HSPG2: variants seen among roughly 807,000 people sequenced by gnomAD.
HSPG2 encodes the protein basement membrane-specific heparan sulfate proteoglycan core protein.
Under a neutral mutation model 526.6 loss-of-function variants are expected in HSPG2, and 278 were observed. The observed-to-expected ratio is 0.53, with a 90% CI of 0.48 to 0.58. The LOEUF is 0.58. Ranked by LOEUF, HSPG2 falls within the 20% of genes least tolerant of loss-of-function variation. The probability of loss-of-function intolerance (pLI) is 0.00; values close to 1 mark genes in which losing one functional copy is unlikely to be tolerated. For synonymous variants in HSPG2, 2,465 were observed against 2,555.4 expected (o/e 0.96, Z 1.07); for missense variants, 5,354 against 6,099.5 (o/e 0.88, Z 4.07).
intron 1 of HSPG2, among the ~76,000 whole-genome samples, chr1:21,930,412 G>A (rs1644317498): frequency 6.6e-6 from 1 of 152,090 alleles, no homozygotes; most frequent in Non-Finnish European, 1.5e-5. Flanking sequence ...CTGTCTTCCT[G>A]CACTAGCTAT....
chr1:21,912,698 T>C (rs1311347460), intron 1 of HSPG2, among the ~76,000 whole-genome samples: 5 of 152,182 alleles, frequency 3.3e-5, no homozygotes. Context: ...TAATAATTAT[T>C]GCTGGGCGCA....
In HSPG2 at chr1:21,865,699, T is replaced by C; in HGVS notation, c.4314+18A>G. ...ATCCTGCCCTTCTGCCCACCCAGCATGGTGTCCAAATGCTCACCGTGATCT... is the reference window on the plus strand; with the variant it reads ...ATCCTGCCCTTCTGCCCACCCAGCACGGTGTCCAAATGCTCACCGTGATCT... On this transcript the variant is annotated intron_variant, in intron 34 of 96. Transcript: ENST00000374695. The surrounding 1 kb of genome is among the most constrained non-coding windows in gnomAD (Gnocchi z 5.4). The C allele has an allele frequency of 6.3e-7, 1 of 1,595,182 alleles. No individual in the cohort carries two copies. Among genetic ancestry groups the C allele is most frequent in the Non-Finnish European group, 8.6e-7 (1 of 1,163,198 alleles).
In HSPG2 at chr1:21,822,332, C is replaced by A. The variant is rs575102067; in HGVS notation, c.*984G>T. ...GGACACAGAGGCCAGGCGTCCCAAC[C>A]CCACAGTCTGGGGGCCACTGGCAGG... On this transcript the variant is annotated 3_prime_UTR_variant, in exon 97 of 97. Coordinates refer to ENST00000374695, the MANE Select transcript of HSPG2 (RefSeq NM_005529.7). 3.8e-6 allele frequency: 4 copies of A among 1,041,500 alleles called. No individual in the cohort carries two copies. The East Asian group carries it at 9.9e-5, about 26-fold the overall frequency. The allele number at this position is 1,041,500 out of a possible 1,614,324, so 64.5% of individuals were successfully genotyped here. A position where few individuals can be genotyped will look rare whatever the true frequency, so the allele number is the denominator to read the frequency against.
In HSPG2 at chr1:21,822,892, C is replaced by T. The variant is rs921918039; in HGVS notation, c.*424G>A. ...CCTGAGTGGGTGGCAGAGACTCCTG[C>T]GATGCCCGTCTCAGGTAGCTGTGGG... On this transcript the variant is annotated 3_prime_UTR_variant, in exon 97 of 97. Coordinates refer to ENST00000374695, the MANE Select transcript of HSPG2 (RefSeq NM_005529.7). 1.8e-5 allele frequency: 3 copies of T among 168,090 alleles called. No homozygotes were observed. Among genetic ancestry groups the T allele is most frequent in the Non-Finnish European group, 2.6e-5 (2 of 78,030 alleles). The allele number at this position is 168,090 out of a possible 1,614,324, so 10.4% of individuals were successfully genotyped here.
intron 65 of HSPG2, 66 bp from the exon 66 acceptor site, chr1:21,843,504 AC>A: frequency 6.5e-7 from 1 of 1,537,622 alleles, no homozygotes; most frequent in East Asian, 2.3e-5. Flanking sequence ...GGCCTCTGGT[AC>A]CCACACCCTG....
In HSPG2 at chr1:21,874,019, TG is replaced by T; in HGVS notation, c.3657-9del. 6.3e-7 allele frequency: 1 copy of T among 1,594,076 alleles called. No homozygotes were observed. On this transcript the variant is annotated splice_polypyrimidine_tract_variant and intron_variant, in intron 28 of 96. Coordinates refer to ENST00000374695, the MANE Select transcript of HSPG2 (RefSeq NM_005529.7). Reference sequence around the variant, plus strand: ...AAACAAGTGTGGGCAGCCCTGAGTGTGGGGGCAGATTTCTAGTCAGGAACGC... The same window carrying T: ...AAACAAGTGTGGGCAGCCCTGAGTGTGGGGCAGATTTCTAGTCAGGAACGC...
chr1:21,889,944 CTG>C (rs776792094), intron 6 of HSPG2, 35 bp downstream of exon 6: 2 of 1,613,124 alleles, frequency 1.2e-6, no homozygotes, highest in African/African-American at 2.7e-5. Context: ...CCCCACGAGT[CTG>C]GAGGAGGCGA....
intron 80 of HSPG2, chr1:21,832,837 G>C (rs1322885590): frequency 5.1e-6 from 3 of 593,830 alleles, no homozygotes; most frequent in Non-Finnish European, 9.0e-6. Context: ...ACACACACTG[G>C]AGTCTCCCTC....
At position 21,833,932 on chromosome 1, in the gene HSPG2, G is replaced by A. The variant is rs753552638; in HGVS notation, c.10721-7C>T. 7 of 1,565,090 alleles carry A rather than the reference G, an allele frequency of 4.5e-6. No individual in the cohort carries two copies. The Admixed American group carries it at 1.1e-4, about 25-fold the overall frequency. ...ATTGAGATCTGGGGCAAGGCTGAGA[G>A]GCATGGAAGAGACATAGGCCATCAA... is the stretch of plus-strand genomic sequence containing the variant. On this transcript the variant is annotated splice_polypyrimidine_tract_variant and splice_region_variant and intron_variant, in intron 77 of 96. Transcript: ENST00000374695.
chr1:21,839,188 G>T lies in HSPG2; in HGVS notation c.9890-103C>A. 6.7e-7 allele frequency: 1 copy of T among 1,489,130 alleles called. No homozygotes were observed. Among genetic ancestry groups the T allele is most frequent in the Non-Finnish European group, 9.1e-7 (1 of 1,097,312 alleles). 92.2% of individuals were successfully genotyped at this position (1,489,130 alleles called of 1,614,324 possible). A position where few individuals can be genotyped will look rare whatever the true frequency, so the allele number is the denominator to read the frequency against. Reference sequence around the variant, plus strand: ...AGGGAAGCTGAATGGTGAGCCCAGAGGACTGGGGATAAGGAAAGCAAAGGT... The same window carrying T: ...AGGGAAGCTGAATGGTGAGCCCAGATGACTGGGGATAAGGAAAGCAAAGGT... On this transcript the variant is annotated intron_variant, in intron 73 of 96. Coordinates refer to ENST00000374695, the MANE Select transcript of HSPG2 (RefSeq NM_005529.7). This position sits in a 1 kb window ranked among gnomAD's most constrained non-coding sequence, Gnocchi z 4.5.
rs544599385 is a variant in HSPG2 at position 21,908,455 on chromosome 1, A to G, written c.64-12145T>C. On this transcript the variant is annotated intron_variant, in intron 1 of 96. Coordinates refer to ENST00000374695, the MANE Select transcript of HSPG2 (RefSeq NM_005529.7). ...GAATGATCAGAAAAAGAGAGAAGCC[A>G]AAGAGAAAGGTACCTGGGTTCAACT... is the stretch of plus-strand genomic sequence containing the variant. 3.5e-6 allele frequency: 3 copies of G among 855,614 alleles called. No homozygotes were observed. The East Asian group carries it at 7.4e-5, about 21-fold the overall frequency. 53.0% of individuals were successfully genotyped at this position (855,614 alleles called of 1,614,324 possible). A position where few individuals can be genotyped will look rare whatever the true frequency, so the allele number is the denominator to read the frequency against.
At chr1:21,846,384 T>C (rs1441591474) in intron 63 of HSPG2, 64 bp downstream of exon 63, 3 of 1,611,582 alleles carry the variant, frequency 1.9e-6, no homozygotes, top group Admixed American at 1.7e-5. Flanking sequence ...GTCTCCCTCT[T>C]GGCAAAGCTA....
rs2152725067 is a variant in HSPG2, at chr1:21,855,525, T to A, written c.5852A>T (p.His1951Leu). Residue 1951 changes from histidine to leucine, a missense_variant and splice_region_variant, in exon 46 of 97, where the codon CAT becomes CTT. Transcript: ENST00000374695. Reference sequence around the variant, plus strand: ...CCACCCTGAGCCCGGCCTCTCACCATGCACGTGGAGCACAGCCCTGGCCAC... The same window carrying A: ...CCACCCTGAGCCCGGCCTCTCACCAAGCACGTGGAGCACAGCCCTGGCCAC... ...QQVARAVLHV[H>L]GGGGPRVQVS... 1 of 1,609,488 alleles carries A rather than the reference T, an allele frequency of 6.2e-7. No homozygotes were observed. The highest frequency in any genetic ancestry group is 1.1e-5 in the South Asian group (1 of 90,308).
intron 63 of HSPG2, 31 bp from the exon 64 acceptor site, chr1:21,846,286 T>A: frequency 6.2e-7 from 1 of 1,612,418 alleles, no homozygotes; most frequent in Non-Finnish European, 8.5e-7. Flanking sequence ...AGGAACAGAG[T>A]CAGGTGCCAG....
intron 1 of HSPG2, among the ~76,000 whole-genome samples, chr1:21,906,059 C>A (rs11581438): frequency 0.04 from 6,079 of 152,270 alleles, 147 homozygotes; most frequent in African/African-American, 0.07. Flanking sequence ...AAGTGAGGAG[C>A]CTGAGGCTCA....
chr1:21,864,621 G>A lies in HSPG2; in HGVS notation c.4626+222C>T, dbSNP rs188431237. 1.6e-4 allele frequency among the ~76,000 whole-genome samples: 24 copies of A among 152,280 alleles called. No homozygotes were observed. The highest frequency in any genetic ancestry group is 1.2e-3 in the South Asian group (6 of 4,828). ...AATTAGTTTCTGCCACACATTAGCCGTGTGCCCTTGGGACACACTCACCCC... is the reference window on the plus strand; with the variant it reads ...AATTAGTTTCTGCCACACATTAGCCATGTGCCCTTGGGACACACTCACCCC... On this transcript the variant is annotated intron_variant, in intron 36 of 96. Transcript: ENST00000374695. The surrounding 1 kb of genome is among the most constrained non-coding windows in gnomAD (Gnocchi z 4.8).
In HSPG2 at chr1:21,861,813, G is replaced by A. The variant is rs775314207; in HGVS notation, c.4899C>T (p.Ala1633=). 42 of 1,613,566 alleles carry A rather than the reference G, an allele frequency of 2.6e-5. No individual in the cohort carries two copies. The highest frequency in any genetic ancestry group is 1.6e-4 in the Middle Eastern group (1 of 6,084). ...CGCAGGCCGTGCAGCGGTACCCGCC[G>A]GCTCCCAGGCTCTCACAGGTGCGGG... ...MFSRTCESLG[A]GGYRCTACEP... The change falls in exon 39 of 97, where the codon GCC becomes GCT. Residue 1633 remains alanine, a synonymous_variant. Coordinates refer to ENST00000374695, the MANE Select transcript of HSPG2 (RefSeq NM_005529.7).
intron 1 of HSPG2, among the ~76,000 whole-genome samples, chr1:21,922,442 C>G (rs1172722323): frequency 1.3e-5 from 2 of 152,216 alleles, no homozygotes; most frequent in East Asian, 3.9e-4. Context: ...TAGCCAGGGT[C>G]CTCCTGGTCT....
chr1:21,914,165 G>A (rs969256622), intron 1 of HSPG2, among the ~76,000 whole-genome samples: 3 of 152,194 alleles, frequency 2.0e-5, no homozygotes, highest in Admixed American at 6.5e-5. Context: ...GGTGCTGACC[G>A]TCTACTTGGA....
Sources: gnomAD v4.1 joint callset for allele counts (sites outside exome capture counted in the v4.1 genomes callset) on GRCh38, gnomAD v4.1.1 for gene constraint, Gnocchi (gnomAD v3.1) non-coding constraint, MANE v1.5 for transcripts, NCBI Gene and HGNC (gene_info 2026-07-23, HGNC 2026-07-21) for gene names.